The following ANKRD11 variants were observed in gnomAD, a reference collection of about 807,000 sequenced individuals.
ANKRD11 encodes the protein ankyrin repeat domain-containing protein 11.
In ANKRD11, 17 loss-of-function variants were observed where a neutral mutation model predicts 195.7. The ratio of observed to expected loss-of-function variants is 0.09; its 90% confidence interval spans 0.06 to 0.13. ANKRD11 has a LOEUF of 0.13. ANKRD11 is among the 10% of genes least tolerant of loss of function. The pLI, the probability that ANKRD11 is intolerant of heterozygous loss-of-function variation, is 1.00. For synonymous variants in ANKRD11, 1,953 were observed against 1,528.1 expected, an observed-to-expected ratio of 1.28 and a Z score of -6.49; for missense variants, 3,735 against 3,566.1, an observed-to-expected ratio of 1.05 and a Z score of -1.21.
chr16:89,371,259 G>A (rs927718715), intron 2 of ANKRD11, among the ~76,000 whole-genome samples: 2 of 152,202 alleles, frequency 1.3e-5, no homozygotes, highest in Admixed American at 6.5e-5. Flanking sequence ...CCTACACAGA[G>A]AGGCAGGTTC....
chr16:89,326,560 G>C (rs945950902), intron 2 of ANKRD11, among the ~76,000 whole-genome samples: 4 of 152,088 alleles, frequency 2.6e-5, no homozygotes, highest in Non-Finnish European at 5.9e-5. Context: ...GGGCAATGTA[G>C]GGAAACCTCA....
At chr16:89,459,863 G>A (rs2056589795) in intron 1 of ANKRD11, among the ~76,000 whole-genome samples, 1 of 151,724 alleles carries the variant, frequency 6.6e-6, no homozygotes, top group South Asian at 2.1e-4. Flanking sequence ...AGCCCAGGAA[G>A]TCGAGATTGC....
chr16:89,379,144 C>T (rs1162736349), intron 2 of ANKRD11, among the ~76,000 whole-genome samples: 2 of 152,194 alleles, frequency 1.3e-5, no homozygotes, highest in Non-Finnish European at 1.5e-5. Context: ...AAGGTGGGGC[C>T]GGCCCCCATG....
chr16:89,319,081 C>T (rs1252242175), intron 2 of ANKRD11, among the ~76,000 whole-genome samples: 1 of 152,242 alleles, frequency 6.6e-6, no homozygotes, highest in Non-Finnish European at 1.5e-5. Context: ...CTGGAATTAA[C>T]ATTTTAAAAA....
chr16:89,338,089 G>A (rs888847506), intron 2 of ANKRD11, among the ~76,000 whole-genome samples: 6 of 152,170 alleles, frequency 3.9e-5, no homozygotes, highest in East Asian at 3.8e-4. Flanking sequence ...GGAGCCCCAG[G>A]GGCCCCCACT....
intron 2 of ANKRD11, among the ~76,000 whole-genome samples, chr16:89,357,382 G>A (rs951386044): frequency 3.3e-5 from 5 of 152,150 alleles, no homozygotes; most frequent in African/African-American, 1.2e-4. Context: ...GGGCAGGTGA[G>A]CTTGTGGAGA....
intron 4 of ANKRD11, among the ~76,000 whole-genome samples, chr16:89,304,496 G>A (rs756514304): frequency 2.7e-5 from 4 of 146,782 alleles, no homozygotes; most frequent in Non-Finnish European, 6.0e-5. Context: ...GGGCATAGAC[G>A]GGCACGCATA....
chr16:89,307,097 G>C (rs1042382776), intron 3 of ANKRD11, among the ~76,000 whole-genome samples: 2 of 151,630 alleles, frequency 1.3e-5, no homozygotes, highest in South Asian at 2.1e-4. Context: ...GTGGGGAGGG[G>C]GACGGTGCGA....
At chr16:89,286,932 C>T in intron 7 of ANKRD11, 1 of 1,289,700 alleles carries the variant, frequency 7.8e-7, no homozygotes. Flanking sequence ...ACTATAGACT[C>T]TTGTCGCCCA....
At position 89,291,716 on chromosome 16, in the gene ANKRD11, C is replaced by A; in HGVS notation, c.227-533G>T. On this transcript the variant is annotated intron_variant, in intron 4 of 12. Coordinates refer to ENST00000301030, the MANE Select transcript of ANKRD11 (RefSeq NM_013275.6). The surrounding 1 kb of genome is among the most constrained non-coding windows in gnomAD (Gnocchi z 5.3). ...GCTTCTAGGAACCTCCATCTCATGCCATGGTGCTTCGAGGAGCGTACCAGC... is the reference window on the plus strand; with the variant it reads ...GCTTCTAGGAACCTCCATCTCATGCAATGGTGCTTCGAGGAGCGTACCAGC... 2 of 1,289,910 alleles carry A rather than the reference C, an allele frequency of 1.6e-6. No individual in the cohort carries two copies. Among genetic ancestry groups the A allele is most frequent in the Non-Finnish European group, 2.0e-6 (2 of 988,912 alleles). 79.9% of individuals were successfully genotyped at this position (1,289,910 alleles called of 1,614,324 possible).
chr16:89,456,679 G>T (rs1052138813), intron 1 of ANKRD11, among the ~76,000 whole-genome samples: 1 of 152,018 alleles, frequency 6.6e-6, no homozygotes, highest in African/African-American at 2.4e-5. Flanking sequence ...AACATAGATG[G>T]ACTCCAAAAA....
chr16:89,345,539 G>C (rs1268325071), intron 2 of ANKRD11, among the ~76,000 whole-genome samples: 2 of 152,234 alleles, frequency 1.3e-5, no homozygotes, highest in South Asian at 2.1e-4. Context: ...CCAGCTTCCA[G>C]AACTGTGAGA....
chr16:89,372,233 A>G (rs977172881), intron 2 of ANKRD11, among the ~76,000 whole-genome samples: 1 of 152,208 alleles, frequency 6.6e-6, no homozygotes, highest in African/African-American at 2.4e-5. Context: ...GAGCTGGGGA[A>G]AGAGCCACAC....
chr16:89,311,482 C>G (rs904460619), intron 3 of ANKRD11, among the ~76,000 whole-genome samples: 3 of 152,044 alleles, frequency 2.0e-5, no homozygotes, highest in Non-Finnish European at 4.4e-5. Flanking sequence ...CTACGCTTAC[C>G]TCACACCATA....
chr16:89,439,635 T>C (rs933128724), intron 1 of ANKRD11, among the ~76,000 whole-genome samples: 1 of 152,080 alleles, frequency 6.6e-6, no homozygotes, highest in African/African-American at 2.4e-5. Context: ...AACCACACAA[T>C]CAGCAAAGAA....
chr16:89,490,035 G>A (rs1347602575), intron 1 of ANKRD11, among the ~76,000 whole-genome samples: 7 of 138,816 alleles, frequency 5.0e-5, no homozygotes, highest in Non-Finnish European at 9.4e-5. Flanking sequence ...CCCGAACCCG[G>A]ACCCGTAGGC....
At position 89,278,823 on chromosome 16, in the gene ANKRD11, G is replaced by C. The variant is rs75885503; in HGVS notation, c.7470+249C>G. On this transcript the variant is annotated intron_variant, in intron 9 of 12. Transcript: ENST00000301030. ...GGGACCGGGGTGCACCCAGGGTGAG[G>C]GGGAGGTCAGGAGACCGAGGCCTGG... The C allele has an allele frequency of 3.0e-3, 2,059 of 680,484 alleles. 87 individuals are homozygous for C. In the East Asian group the frequency reaches 0.056, roughly 19 times the overall value. The allele number at this position is 680,484 out of a possible 1,614,324, so 42.2% of individuals were successfully genotyped here.
chr16:89,426,392 G>A (rs1244341552), intron 1 of ANKRD11, among the ~76,000 whole-genome samples: 2 of 152,042 alleles, frequency 1.3e-5, no homozygotes, highest in Admixed American at 6.6e-5. Context: ...CCTCCCGCAG[G>A]AGGCCCGGCT....
intron 2 of ANKRD11, chr16:89,324,382 G>A (rs1279322594): frequency 3.2e-5 from 22 of 686,876 alleles, no homozygotes; most frequent in South Asian, 2.6e-4. Context: ...GCACGTGGGC[G>A]CAAAGTTCTC....
Sources: allele counts gnomAD v4.1 joint callset (sites outside exome capture counted in the v4.1 genomes callset), GRCh38; gene constraint gnomAD v4.1.1; non-coding constraint Gnocchi (gnomAD v3.1); transcripts MANE v1.5; gene names NCBI Gene and HGNC (gene_info 2026-07-23, HGNC 2026-07-21).